Variants in MED12L observed in about 807,000 individuals in gnomAD.
MED12L encodes the protein mediator of RNA polymerase II transcription subunit 12-like protein.
Under a neutral mutation model 281.3 loss-of-function variants are expected in MED12L, and 60 were observed. The ratio of observed to expected loss-of-function variants is 0.21; its 90% CI spans 0.17 to 0.26. MED12L has a LOEUF of 0.26. Among genes scored for constraint, MED12L ranks in the 10% least tolerant of loss-of-function variants. MED12L has a pLI of 1.00. For synonymous variants in MED12L, 974 were observed against 987.2 expected (o/e 0.99, Z 0.25); for missense variants, 2,146 against 2,680.9 (o/e 0.80, Z 4.41).
chr3:151,086,302 C>G (rs1056874774), intron 1 of MED12L: 2 of 152,316 alleles, frequency 1.3e-5, no homozygotes, highest in African/African-American at 2.4e-5. Context: ...CTGCCTCTGC[C>G]TGCACTGGCC....
At chr3:151,307,827 C>T (rs1168605863) in intron 16 of MED12L, among the ~76,000 whole-genome samples, 1 of 152,014 alleles carries the variant, frequency 6.6e-6, no homozygotes, top group Non-Finnish European at 1.5e-5. Flanking sequence ...GCTTTGCTGG[C>T]CTAGTGGAGT....
Position 151,136,367 on chromosome 3 carries a change from G to A in MED12L, c.556+8383G>A, listed in dbSNP as rs548085001. 7.0e-4 allele frequency among the ~76,000 whole-genome samples: 106 copies of A among 152,312 alleles called. 1 individual carries two copies. In the South Asian group the frequency reaches 0.014, roughly 20 times the overall value. ...ACAAGCGTTTAGTTTTGTCAAGATT[G>A]CCTCCACATTTTCACAGTGTTCCTT... On this transcript the variant is annotated intron_variant, in intron 5 of 44. Coordinates refer to ENST00000687756, the MANE Select transcript of MED12L (RefSeq NM_001393769.1).
intron 16 of MED12L, among the ~76,000 whole-genome samples, chr3:151,303,839 A>T (rs1746279674): frequency 6.6e-6 from 1 of 152,202 alleles, no homozygotes; most frequent in Non-Finnish European, 1.5e-5. Flanking sequence ...AGACTTTTTA[A>T]TGGAGCAGTC....
At chr3:151,362,030 A>G (rs1268285796) in intron 21 of MED12L, among the ~76,000 whole-genome samples, 2 of 151,988 alleles carry the variant, frequency 1.3e-5, no homozygotes, top group Non-Finnish European at 2.9e-5. Context: ...AAGGATGTTC[A>G]ACTACCATTT....
At chr3:151,245,555 G>T (rs1430117593) in intron 16 of MED12L, among the ~76,000 whole-genome samples, 1 of 149,754 alleles carries the variant, frequency 6.7e-6, no homozygotes, top group Non-Finnish European at 1.5e-5. Flanking sequence ...AAAGGCCTTT[G>T]ACAAAATTCA....
chr3:151,168,163 C>T (rs1720957434), intron 11 of MED12L, among the ~76,000 whole-genome samples: 2 of 152,184 alleles, frequency 1.3e-5, no homozygotes, highest in African/African-American at 4.8e-5. Flanking sequence ...AATGAAATCA[C>T]ACTGTGAGGT....
intron 5 of MED12L, among the ~76,000 whole-genome samples, chr3:151,136,868 A>C (rs539346831): frequency 6.6e-6 from 1 of 152,218 alleles, no homozygotes; most frequent in East Asian, 1.9e-4. Flanking sequence ...TTTTTTATTT[A>C]TTAAAAAAGT....
chr3:151,147,875 T>A (rs1717947147), intron 5 of MED12L, among the ~76,000 whole-genome samples: 1 of 152,250 alleles, frequency 6.6e-6, no homozygotes, highest in Non-Finnish European at 1.5e-5. Context: ...TACAGGCTAG[T>A]TCTCCTGGGT....
intron 16 of MED12L, among the ~76,000 whole-genome samples, chr3:151,316,063 G>A (rs1748195512): frequency 6.6e-6 from 1 of 152,132 alleles, no homozygotes; most frequent in Non-Finnish European, 1.5e-5. Context: ...AGTTTTCTCA[G>A]TGCCTTTCCT....
intron 16 of MED12L, among the ~76,000 whole-genome samples, chr3:151,306,458 C>G (rs953477612): frequency 6.6e-6 from 1 of 152,142 alleles, no homozygotes; most frequent in East Asian, 1.9e-4. Flanking sequence ...TCTGGTGTTA[C>G]GAAAAGCTTC....
chr3:151,383,606 A>C (rs1712792588), intron 33 of MED12L, among the ~76,000 whole-genome samples, 173 bp from the exon 34 acceptor site: 1 of 152,226 alleles, frequency 6.6e-6, no homozygotes, highest in Non-Finnish European at 1.5e-5. Flanking sequence ...GTGCTGAAAG[A>C]ACTAAAAATA....
chr3:151,362,499 T>G (rs1284615023), intron 21 of MED12L, among the ~76,000 whole-genome samples: 2 of 152,022 alleles, frequency 1.3e-5, no homozygotes, highest in Non-Finnish European at 2.9e-5. Flanking sequence ...CTCCCACACT[T>G]CACTCACGAC....
intron 39 of MED12L, among the ~76,000 whole-genome samples, chr3:151,407,223 T>C (rs62285920): frequency 0.073 from 11,176 of 152,246 alleles, 571 homozygotes; most frequent in Middle Eastern, 0.18. Flanking sequence ...TCATAATGTG[T>C]TTCATAAAGT....
rs377624667 is a variant in MED12L, at chr3:151,300,165, G to A, written c.2251-49894G>A. On this transcript the variant is annotated intron_variant, in intron 16 of 44. Transcript: ENST00000687756. ...GGAAACACTTGGGGACGATTGAGGC[G>A]TGGGTTCAGCATAGGTTATTCCTGG... is the stretch of plus-strand genomic sequence containing the variant. The A allele has an allele frequency of 7.5e-5, 85 of 1,127,310 alleles. No individual in the cohort carries two copies. The East Asian group carries it at 1.2e-3, about 16-fold the overall frequency. 69.8% of individuals were successfully genotyped at this position (1,127,310 alleles called of 1,614,324 possible).
intron 2 of MED12L, among the ~76,000 whole-genome samples, chr3:151,099,403 C>T (rs1450740816): frequency 1.3e-5 from 2 of 152,040 alleles, no homozygotes; most frequent in East Asian, 3.9e-4. Flanking sequence ...AATTTGAATA[C>T]ATATTCATTA....
chr3:151,293,662 CACACACACACACACA>C (rs1438205811), intron 16 of MED12L, among the ~76,000 whole-genome samples: 2 of 139,758 alleles, frequency 1.4e-5, no homozygotes, highest in African/African-American at 5.3e-5. Flanking sequence ...CACACACACA[CACACACACACACACA>C]CCCTCTACCT....
Position 151,158,784 on chromosome 3 carries a change from A to C in MED12L, c.822A>C (p.Leu274=). 1.2e-6 allele frequency: 2 copies of C among 1,610,144 alleles called. No individual in the cohort carries two copies. The highest frequency in any genetic ancestry group is 1.7e-6 in the Non-Finnish European group (2 of 1,176,678). The change falls in exon 7 of 45, where the codon CTA becomes CTC. Residue 274 remains leucine (L), a synonymous_variant. Coordinates refer to ENST00000687756, the MANE Select transcript of MED12L (RefSeq NM_001393769.1). ...PMDDDLLKLL[L]PLMLQYSDEF... ...ATGATGATCTTCTTAAACTCTTGCTACCACTAATGCTGCAGGTATAGTACA... is the reference window on the plus strand; with the variant it reads ...ATGATGATCTTCTTAAACTCTTGCTCCCACTAATGCTGCAGGTATAGTACA...
In MED12L at chr3:151,232,852, A is replaced by C. The variant is rs552097565; in HGVS notation, c.2250+39186A>C. Among the ~76,000 whole-genome samples, 13 of 152,302 alleles carry C rather than the reference A, an allele frequency of 8.5e-5. No individual in the cohort carries two copies. The South Asian group carries it at 2.5e-3, about 29-fold the overall frequency. On this transcript the variant is annotated intron_variant, in intron 16 of 44. Coordinates refer to ENST00000687756, the MANE Select transcript of MED12L (RefSeq NM_001393769.1). ...TTGGGTACTAGACTTAGTACCTGAC[A>C]AAAAAATCTGCAACAAATCCCTGTG...
rs1476829385 is a variant in MED12L at position 151,354,090 on chromosome 3, G to A, written c.2399-1031G>A. Among the ~76,000 whole-genome samples the A allele has an allele frequency of 3.6e-4, 46 of 126,642 alleles. No individual in the cohort carries two copies. The Admixed American group carries it at 4.4e-3, about 12-fold the overall frequency. The allele number at this position is 126,642 out of a possible 152,430, so 83.1% of individuals were successfully genotyped here. A position where few individuals can be genotyped will look rare whatever the true frequency, so the allele number is the denominator to read the frequency against. On this transcript the variant is annotated intron_variant, in intron 17 of 44. Coordinates refer to ENST00000687756, the MANE Select transcript of MED12L (RefSeq NM_001393769.1). ...CGGGAGGCGGAGCTTGCAGTGAGCC[G>A]AGATCCCGCCACTGCACTCCAGCCT...
Sources: allele counts gnomAD v4.1 joint callset (sites outside exome capture counted in the v4.1 genomes callset), GRCh38; gene constraint gnomAD v4.1.1; transcripts MANE v1.5; gene names NCBI Gene and HGNC (gene_info 2026-07-23, HGNC 2026-07-21).